The following SRPK2 variants were observed in gnomAD, a reference collection of about 807,000 sequenced individuals.
SRPK2 encodes the protein SFRS protein kinase 2.
SRPK2 carries 21 observed loss-of-function variants against 90.8 expected under a neutral mutation model. That is an observed-to-expected ratio of 0.23 (90% confidence interval 0.16 to 0.33). The LOEUF (loss-of-function observed/expected upper bound fraction) is 0.33. Ranked by LOEUF, SRPK2 falls within the 10% of genes least tolerant of loss-of-function variation. The probability of loss-of-function intolerance (pLI) is 1.00; values close to 1 mark genes in which losing one functional copy is unlikely to be tolerated. For missense variants in SRPK2, 620 were observed against 869.0 expected, an observed-to-expected ratio of 0.71 and a Z score of 3.60; for synonymous variants, 288 against 311.1, an observed-to-expected ratio of 0.93 and a Z score of 0.78.
At chr7:105,324,045 G>GGAGT (rs1268322545) in intron 2 of SRPK2, among the ~76,000 whole-genome samples, 3 of 150,102 alleles carry the variant, frequency 2.0e-5, no homozygotes, top group Non-Finnish European at 4.4e-5. Context: ...CGCCCGGGCT[G>GGAGT]GAGTGCAATG....
intron 1 of SRPK2, among the ~76,000 whole-genome samples, chr7:105,397,296 A>T (rs1822358980): frequency 6.7e-6 from 1 of 148,770 alleles, no homozygotes; most frequent in Non-Finnish European, 1.5e-5. Flanking sequence ...GATTAAAGGC[A>T]TGAGCCACCA....
chr7:105,119,933 G>T (rs568998311), intron 15 of SRPK2, among the ~76,000 whole-genome samples: 2 of 152,310 alleles, frequency 1.3e-5, no homozygotes, highest in South Asian at 4.1e-4. Flanking sequence ...AACAACATGG[G>T]AGAAGATCAT....
intron 3 of SRPK2, among the ~76,000 whole-genome samples, chr7:105,195,331 G>A (rs1187527284): frequency 2.0e-5 from 3 of 152,252 alleles, no homozygotes; most frequent in Non-Finnish European, 4.4e-5. Context: ...TTACAGGCGT[G>A]GGCCACCATG....
chr7:105,369,169 T>C (rs1384255629), intron 2 of SRPK2, among the ~76,000 whole-genome samples: 1 of 149,200 alleles, frequency 6.7e-6, no homozygotes, highest in African/African-American at 2.5e-5. Context: ...TTATTCGAGA[T>C]AGAGTCTCAC....
At chr7:105,253,052 ATCTTTAAGTTAGGATT>A (rs1802703112) in intron 2 of SRPK2, among the ~76,000 whole-genome samples, 1 of 152,128 alleles carries the variant, frequency 6.6e-6, no homozygotes, top group Admixed American at 6.5e-5. Flanking sequence ...CCAAGTTAGT[ATCTTTAAGTTAGGATT>A]TCTTTAATCA....
intron 7 of SRPK2, among the ~76,000 whole-genome samples, chr7:105,157,544 G>A (rs1267753030): frequency 1.3e-5 from 2 of 152,098 alleles, no homozygotes; most frequent in East Asian, 1.9e-4. Context: ...AAAGTTCTGC[G>A]TAAGCTTAGG....
chr7:105,315,120 A>G (rs1651987211), intron 2 of SRPK2, among the ~76,000 whole-genome samples: 1 of 152,166 alleles, frequency 6.6e-6, no homozygotes, highest in Non-Finnish European at 1.5e-5. Context: ...TATTTTTAAA[A>G]AATAGAAAAC....
At chr7:105,245,655 A>T (rs1801550706) in intron 2 of SRPK2, among the ~76,000 whole-genome samples, 1 of 152,168 alleles carries the variant, frequency 6.6e-6, no homozygotes, top group South Asian at 2.1e-4. Flanking sequence ...AACTAGATAC[A>T]GACTACGGGG....
At chr7:105,295,388 A>G (rs998018606) in intron 2 of SRPK2, among the ~76,000 whole-genome samples, 1 of 152,138 alleles carries the variant, frequency 6.6e-6, no homozygotes, top group Non-Finnish European at 1.5e-5. Context: ...AATTACATGA[A>G]TAAGACTATC....
At chr7:105,198,946 C>T (rs1377458841) in intron 3 of SRPK2, among the ~76,000 whole-genome samples, 1 of 152,130 alleles carries the variant, frequency 6.6e-6, no homozygotes, top group Admixed American at 6.5e-5. Flanking sequence ...TCTAAGATAA[C>T]GCGAGTAGGA....
At chr7:105,314,828 T>G (rs1812138436) in intron 2 of SRPK2, among the ~76,000 whole-genome samples, 1 of 152,216 alleles carries the variant, frequency 6.6e-6, no homozygotes, top group Non-Finnish European at 1.5e-5. Context: ...TAATGAGAAA[T>G]TCATTAAGTA....
chr7:105,154,541 G>A (rs938231097), intron 7 of SRPK2, among the ~76,000 whole-genome samples: 4 of 152,118 alleles, frequency 2.6e-5, no homozygotes, highest in African/African-American at 9.7e-5. Context: ...ACAGGTGAGA[G>A]GACCTGCGGG....
intron 2 of SRPK2, chr7:105,206,017 C>T (rs1168329488): frequency 1.9e-6 from 1 of 518,870 alleles, no homozygotes; most frequent in East Asian, 5.4e-5. Context: ...CAGTGCACGG[C>T]ACTACTGTAC....
At chr7:105,225,179 A>AAAAC (rs140524692) in intron 2 of SRPK2, among the ~76,000 whole-genome samples, 2,742 of 151,630 alleles carry the variant, frequency 0.018, 87 homozygotes, top group African/African-American at 0.062. Context: ...CTCTCTCTTT[A>AAAAC]AAACAAACAA....
intron 6 of SRPK2, among the ~76,000 whole-genome samples, chr7:105,162,247 G>A (rs1407521822): frequency 4.6e-5 from 7 of 152,092 alleles, no homozygotes; most frequent in Non-Finnish European, 8.8e-5. Flanking sequence ...TCACCATGTT[G>A]GCCAGGCTGG....
intron 2 of SRPK2, among the ~76,000 whole-genome samples, chr7:105,385,004 G>C (rs572485292): frequency 6.6e-6 from 1 of 150,438 alleles, no homozygotes; most frequent in Non-Finnish European, 1.5e-5. Flanking sequence ...AGCCTCCCGA[G>C]TAGCTGGGAC....
intron 2 of SRPK2, among the ~76,000 whole-genome samples, chr7:105,328,391 G>A (rs949103439): frequency 2.0e-5 from 3 of 150,558 alleles, no homozygotes; most frequent in Admixed American, 6.7e-5. Context: ...GTGAAACCTC[G>A]TGTCTACTAA....
intron 2 of SRPK2, among the ~76,000 whole-genome samples, chr7:105,348,067 A>C (rs1017062283): frequency 1.6e-3 from 174 of 109,220 alleles, no homozygotes; most frequent in African/African-American, 4.0e-3. Context: ...TGCTTGGCAA[A>C]CTTTTTTTTT....
chr7:105,262,344 A>AT (rs764419835), intron 2 of SRPK2, among the ~76,000 whole-genome samples: 2 of 152,186 alleles, frequency 1.3e-5, no homozygotes, highest in Non-Finnish European at 2.9e-5. Context: ...TTCAGAAGCT[A>AT]TCAAAATGTC....
Sources: gnomAD v4.1 joint callset for allele counts (sites outside exome capture counted in the v4.1 genomes callset) on GRCh38, gnomAD v4.1.1 for gene constraint, MANE v1.5 for transcripts, NCBI Gene and HGNC (gene_info 2026-07-23, HGNC 2026-07-21) for gene names.